Variants in VIPR2 observed in about 807,000 individuals in gnomAD.
VIPR2 encodes the protein vasoactive intestinal polypeptide receptor 2.
A neutral mutation model predicts 58.0 loss-of-function variants in VIPR2; 48 were observed. That is an observed-to-expected ratio of 0.83 (90% CI 0.66 to 1.05). The LOEUF (loss-of-function observed/expected upper bound fraction) is 1.05, where lower values mean the gene tolerates loss of function less well. Ranked by LOEUF, VIPR2 falls within the 50% of genes least tolerant of loss-of-function variation. VIPR2 has a pLI of 0.00. For missense variants in VIPR2, 534 were observed against 558.0 expected, an observed-to-expected ratio of 0.96 and a Z score of 0.43; for synonymous variants, 243 against 235.2, an observed-to-expected ratio of 1.03 and a Z score of -0.30.
chr7:159,031,729 G>A lies in VIPR2; in HGVS notation c.1143+99C>T. ...GTCCCGGGCAGTAACTCGAGCCCGC[G>A]GAAGACAGGCATGTGTGGGGGCTGC... On this transcript the variant is annotated intron_variant, in intron 12 of 12. Transcript: ENST00000262178. This position sits in a 1 kb window ranked among gnomAD's most constrained non-coding sequence, Gnocchi z 4.0. The A allele has an allele frequency of 6.2e-7, 1 of 1,600,286 alleles. No individual in the cohort carries two copies. Among genetic ancestry groups the A allele is most frequent in the Non-Finnish European group, 8.5e-7 (1 of 1,175,598 alleles).
chr7:159,042,039 C>A (rs550511773), intron 6 of VIPR2, among the ~76,000 whole-genome samples: 1 of 152,124 alleles, frequency 6.6e-6, no homozygotes, highest in African/African-American at 2.4e-5. Flanking sequence ...ACAGGCATCA[C>A]GCGCCAGCTT....
At chr7:159,080,870 G>A (rs1042067398) in intron 4 of VIPR2, among the ~76,000 whole-genome samples, 7 of 152,058 alleles carry the variant, frequency 4.6e-5, no homozygotes, top group Admixed American at 1.3e-4. Context: ...AGTCACAATT[G>A]CTTCAAAGAG....
In VIPR2 at chr7:159,098,317, C is replaced by A. The variant is rs143488377; in HGVS notation, c.357+5440G>T. 6.6e-6 allele frequency among the ~76,000 whole-genome samples: 1 copy of A among 152,094 alleles called. No homozygotes were observed. The highest frequency in any genetic ancestry group is 1.5e-5 in the Non-Finnish European group (1 of 68,008). On this transcript the variant is annotated intron_variant, in intron 4 of 12. Transcript: ENST00000262178. The surrounding 1 kb of genome is among the most constrained non-coding windows in gnomAD (Gnocchi z 5.2). ...TGCTCGAGAACTGTGGCTTACAGTG[C>A]GGGTGGGCAAGCGGAGAGGAGCAGC...
At chr7:159,144,353 C>G (rs994807219) in intron 1 of VIPR2, 6 of 1,539,788 alleles carry the variant, frequency 3.9e-6, no homozygotes, top group Non-Finnish European at 5.3e-6. Context: ...ACCCCGATCT[C>G]CCCGTGAAAC....
In VIPR2 at chr7:159,144,815, C is replaced by T. The variant is rs1036239034; in HGVS notation, c.-44G>A. ...GGGGCCGCCCAGCGCCCGCCGCCTCCGTCCTAGGTCCCCGCGGTTCCGCCG... is the reference window on the plus strand; with the variant it reads ...GGGGCCGCCCAGCGCCCGCCGCCTCTGTCCTAGGTCCCCGCGGTTCCGCCG... On this transcript the variant is annotated 5_prime_UTR_variant, in exon 1 of 13. Coordinates refer to ENST00000262178, the MANE Select transcript of VIPR2 (RefSeq NM_003382.5). The T allele has an allele frequency of 4.0e-6, 5 of 1,234,638 alleles. No homozygotes were observed. Among genetic ancestry groups the T allele is most frequent in the Non-Finnish European group, 5.1e-6 (5 of 989,722 alleles). 76.5% of individuals were successfully genotyped at this position (1,234,638 alleles called of 1,614,324 possible).
Position 159,095,497 on chromosome 7 carries a change from G to A in VIPR2, c.357+8260C>T, listed in dbSNP as rs1467399708. 6.6e-6 allele frequency among the ~76,000 whole-genome samples: 1 copy of A among 152,202 alleles called. No homozygotes were observed. The highest frequency in any genetic ancestry group is 6.5e-5 in the Admixed American group (1 of 15,282). On this transcript the variant is annotated intron_variant, in intron 4 of 12. Transcript: ENST00000262178. This position sits in a 1 kb window ranked among gnomAD's most constrained non-coding sequence, Gnocchi z 5.2. The stretch of plus-strand genomic sequence containing the variant: ...TTTCCTCTTTGTACTGACAAAGTCT[G>A]GGGTTCAAAGGCAAAGCACGTATAA...
chr7:159,038,748 G>C (rs1854131081), intron 6 of VIPR2, among the ~76,000 whole-genome samples: 1 of 152,040 alleles, frequency 6.6e-6, no homozygotes. Flanking sequence ...TCTTAACCAA[G>C]ACGGGAAATC....
chr7:159,038,019 C>T (rs925907038), intron 6 of VIPR2, among the ~76,000 whole-genome samples: 2 of 152,052 alleles, frequency 1.3e-5, no homozygotes, highest in Non-Finnish European at 2.9e-5. Context: ...GATGGCTATC[C>T]CTATAAATAT....
chr7:159,061,348 G>GAAAAA (rs57425728), intron 4 of VIPR2, among the ~76,000 whole-genome samples: 5 of 136,954 alleles, frequency 3.7e-5, no homozygotes, highest in African/African-American at 1.1e-4. Context: ...AATAAAAGTT[G>GAAAAA]AAAAAAAAAA....
intron 4 of VIPR2, among the ~76,000 whole-genome samples, chr7:159,060,383 AC>A (rs1263107292): frequency 1.3e-5 from 2 of 150,080 alleles, no homozygotes; most frequent in Non-Finnish European, 3.0e-5. Flanking sequence ...CCTTCACCTA[AC>A]CACCATCTCA....
In VIPR2 at chr7:159,043,184, G is replaced by C; in HGVS notation, c.456-8C>G. The C allele has an allele frequency of 1.2e-6, 2 of 1,608,784 alleles. No homozygotes were observed. Among genetic ancestry groups the C allele is most frequent in the Non-Finnish European group, 8.5e-7 (1 of 1,176,990 alleles). On this transcript the variant is annotated splice_region_variant and splice_polypyrimidine_tract_variant and intron_variant, in intron 5 of 12. Coordinates refer to ENST00000262178, the MANE Select transcript of VIPR2 (RefSeq NM_003382.5). ...CTGGTGCAGTGCAGCTTCCTGAGGT[G>C]GGGGAGTGGGAGAGAGAGGAATTGG...
intron 1 of VIPR2, 48 bp from the exon 2 acceptor site, chr7:159,142,593 G>A (rs1720257549): frequency 6.7e-7 from 1 of 1,482,446 alleles, no homozygotes; most frequent in African/African-American, 1.4e-5. Flanking sequence ...TCCACAAGAA[G>A]AAGAAAAGCA....
At chr7:159,109,776 C>T (rs528893696) in intron 3 of VIPR2, 36 bp downstream of exon 3, 1 of 1,595,094 alleles carries the variant, frequency 6.3e-7, no homozygotes, top group East Asian at 2.2e-5. Context: ...TGCAAACACC[C>T]TGGAGGAGCT....
chr7:159,113,294 G>A (rs1353122360), intron 2 of VIPR2, among the ~76,000 whole-genome samples: 1 of 150,166 alleles, frequency 6.7e-6, no homozygotes, highest in Non-Finnish European at 1.5e-5. Flanking sequence ...TTCCCGGTCT[G>A]TTCTGTTTCA....
chr7:159,117,401 T>C (rs1219241930), intron 2 of VIPR2: 17 of 717,364 alleles, frequency 2.4e-5, no homozygotes, highest in Admixed American at 6.0e-5. Flanking sequence ...AATCCCTTTG[T>C]ATGGCCTGTG....
At position 159,034,600 on chromosome 7, in the gene VIPR2, G is replaced by C; in HGVS notation, c.860C>G (p.Pro287Arg). 2 of 1,613,826 alleles carry C rather than the reference G, an allele frequency of 1.2e-6. No individual in the cohort carries two copies. Among genetic ancestry groups the C allele is most frequent in the Non-Finnish European group, 1.7e-6 (2 of 1,179,804 alleles). The change falls in exon 9 of 13, where the codon CCG becomes CGG. Residue 287 changes from proline to arginine, a missense_variant. Physicochemically the swap from Pro to Arg is moderately radical, Grantham distance 103 (BLOSUM62 -2). Coordinates refer to ENST00000262178, the MANE Select transcript of VIPR2 (RefSeq NM_003382.5). ...ACTTACGATGATGGAAATTAAAATCGGTATTCGTATGACCCACCAGGGCAC... is the reference window on the plus strand; with the variant it reads ...ACTTACGATGATGGAAATTAAAATCCGTATTCGTATGACCCACCAGGGCAC... ...HSVPWWVIRI[P>R]ILISIIVNFV...
chr7:159,037,000 C>T (rs940859240), intron 6 of VIPR2, 98 bp from the exon 7 acceptor site: 5 of 1,425,600 alleles, frequency 3.5e-6, no homozygotes, highest in Non-Finnish European at 4.8e-6. Flanking sequence ...CGCTTGGTAT[C>T]TGTGCAAGGA....
At position 159,103,815 on chromosome 7, in the gene VIPR2, TC is replaced by T; in HGVS notation, c.298del (p.Glu100ArgfsTer27). On this transcript the variant is annotated frameshift_variant, in exon 4 of 13. Transcript: ENST00000262178. LOFTEE classifies it high-confidence loss of function. ...GGCATCGACGAAATCTGGGAACGTC[TC>T]TGACCATCCGTCACTCGTACAGTTT... ...SKNCTSDGWS[E>X]TFPDFVDACG... 6.2e-7 allele frequency: 1 copy of T among 1,614,202 alleles called. No individual in the cohort carries two copies. The highest frequency in any genetic ancestry group is 8.5e-7 in the Non-Finnish European group (1 of 1,180,032).
intron 2 of VIPR2, chr7:159,116,845 C>G (rs752904427): frequency 6.4e-6 from 1 of 156,772 alleles, no homozygotes; most frequent in Non-Finnish European, 1.4e-5. Flanking sequence ...GCAATCCTAC[C>G]GTATAAAAGA....
Sources: gnomAD v4.1 joint callset for allele counts (sites outside exome capture counted in the v4.1 genomes callset) on GRCh38, gnomAD v4.1.1 for gene constraint, Gnocchi (gnomAD v3.1) non-coding constraint, MANE v1.5 for transcripts, NCBI Gene and HGNC (gene_info 2026-07-23, HGNC 2026-07-21) for gene names.